SH3PXD2B: variants seen among roughly 807,000 people sequenced by gnomAD.
SH3PXD2B encodes SH3 and PX domain-containing protein 2B.
A neutral mutation model predicts 73.1 loss-of-function variants in SH3PXD2B; 37 were observed. That is an observed-to-expected ratio of 0.51 (90% CI 0.39 to 0.67). SH3PXD2B has a LOEUF of 0.67. SH3PXD2B is among the 30% of genes least tolerant of loss of function. The pLI is 0.00. For synonymous variants in SH3PXD2B, 457 were observed against 480.5 expected, an observed-to-expected ratio of 0.95 and a Z score of 0.64; for missense variants, 1,053 against 1,197.8, an observed-to-expected ratio of 0.88 and a Z score of 1.78.
In SH3PXD2B at chr5:172,336,583, T is replaced by C. The variant is rs1367852427; in HGVS notation, c.*1786A>G. 1 of 985,846 alleles carries C rather than the reference T, an allele frequency of 1.0e-6. No homozygotes were observed. Among genetic ancestry groups the C allele is most frequent in the African/African-American group, 1.7e-5 (1 of 57,224 alleles). 61.1% of individuals were successfully genotyped at this position (985,846 alleles called of 1,614,324 possible). On this transcript the variant is annotated 3_prime_UTR_variant, in exon 13 of 13. Transcript: ENST00000311601. ...CAGAAGAGGGCTGTTCAAGCAAAAC[T>C]TTGGCACTGCAGGTAGACACTGAGC...
Position 172,353,160 on chromosome 5 carries a change from G to T in SH3PXD2B, c.785+728C>A, listed in dbSNP as rs1340698613. On this transcript the variant is annotated intron_variant, in intron 9 of 12. Coordinates refer to ENST00000311601, the MANE Select transcript of SH3PXD2B (RefSeq NM_001017995.3). The surrounding 1 kb of genome is among the most constrained non-coding windows in gnomAD (Gnocchi z 4.3). ...GATTCTTGGTGTGCGTTTGTTGAAT[G>T]AATGAATGAATGCAGTGCTACATGC... 6.6e-6 allele frequency among the ~76,000 whole-genome samples: 1 copy of T among 152,210 alleles called. No homozygotes were observed. The highest frequency in any genetic ancestry group is 2.4e-5 in the African/African-American group (1 of 41,444).
chr5:172,402,778 C>T (rs7705809), intron 3 of SH3PXD2B, among the ~76,000 whole-genome samples: 8,078 of 152,330 alleles, frequency 0.053, 329 homozygotes, highest in South Asian at 0.23. Flanking sequence ...CTCCATGACA[C>T]CCAGCACCGG....
Position 172,421,425 on chromosome 5 carries a change from C to A in SH3PXD2B, c.156+991G>T, listed in dbSNP as rs1359910083. Among the ~76,000 whole-genome samples the A allele has an allele frequency of 6.6e-6, 1 of 152,184 alleles. No homozygotes were observed. The highest frequency in any genetic ancestry group is 1.5e-5 in the Non-Finnish European group (1 of 68,044). ...CATTCATTCATTCACCAAACACTGA[C>A]TGGACATATACTGTGTGTTAGGCCT... is the stretch of plus-strand genomic sequence containing the variant. On this transcript the variant is annotated intron_variant, in intron 2 of 12. Transcript: ENST00000311601. The surrounding 1 kb of genome is among the most constrained non-coding windows in gnomAD (Gnocchi z 4.0).
chr5:172,388,526 A>G (rs1449967311), intron 4 of SH3PXD2B, among the ~76,000 whole-genome samples: 2 of 152,256 alleles, frequency 1.3e-5, no homozygotes, highest in Non-Finnish European at 2.9e-5. Flanking sequence ...TAACATAAGC[A>G]GTTCCCTCCC....
At chr5:172,415,782 G>C (rs1013520437) in intron 2 of SH3PXD2B, among the ~76,000 whole-genome samples, 2 of 152,204 alleles carry the variant, frequency 1.3e-5, no homozygotes, top group African/African-American at 4.8e-5. Context: ...CCCCAGAGTA[G>C]TCCCAAGCCA....
chr5:172,453,562 C>T (rs905575477), intron 1 of SH3PXD2B, among the ~76,000 whole-genome samples: 1 of 152,196 alleles, frequency 6.6e-6, no homozygotes, highest in Non-Finnish European at 1.5e-5. Context: ...AACCTCTGAG[C>T]CTCAGCCTTC....
At chr5:172,363,765 A>G (rs555250064) in intron 6 of SH3PXD2B, among the ~76,000 whole-genome samples, 20 of 152,224 alleles carry the variant, frequency 1.3e-4, no homozygotes, top group African/African-American at 4.8e-4. Context: ...CGAGGCAAGC[A>G]TGGGTCAGAT....
chr5:172,426,240 A>G (rs2113472477), intron 1 of SH3PXD2B, among the ~76,000 whole-genome samples: 1 of 152,280 alleles, frequency 6.6e-6, no homozygotes, highest in East Asian at 1.9e-4. Context: ...CAGAGACCTA[A>G]TTTTTTAACG....
intron 4 of SH3PXD2B, among the ~76,000 whole-genome samples, chr5:172,384,486 C>G (rs1758015385): frequency 6.6e-6 from 1 of 152,196 alleles, no homozygotes; most frequent in East Asian, 1.9e-4. Context: ...TCTTGCAAAA[C>G]TGAAACTCTG....
In SH3PXD2B at chr5:172,339,978, T is replaced by C. The variant is rs1756817013; in HGVS notation, c.1189-62A>G. The C allele has an allele frequency of 6.2e-7, 1 of 1,603,310 alleles. No individual in the cohort carries two copies. Among genetic ancestry groups the C allele is most frequent in the Non-Finnish European group, 8.5e-7 (1 of 1,175,036 alleles). ...TGCCAGGGCCAGCAGATGGAATGGT[T>C]TGGCAGAACCCATGTGCAACTGGAG... On this transcript the variant is annotated intron_variant, in intron 12 of 12. Transcript: ENST00000311601. The surrounding 1 kb of genome is among the most constrained non-coding windows in gnomAD (Gnocchi z 6.1).
downstream of SH3PXD2B, among the ~76,000 whole-genome samples, chr5:172,329,175 G>A (rs1484299425): frequency 4.1e-5 from 6 of 145,940 alleles, no homozygotes; most frequent in East Asian, 2.0e-4. Context: ...CCACCTTCCC[G>A]GTTCAAATGA....
At position 172,335,542 on chromosome 5, in the gene SH3PXD2B, C is replaced by A. The variant is rs1016658451; in HGVS notation, c.*2827G>T. 1.2e-5 allele frequency: 15 copies of A among 1,231,764 alleles called. No individual in the cohort carries two copies. The Admixed American group carries it at 2.1e-4, about 17-fold the overall frequency. 76.3% of individuals were successfully genotyped at this position (1,231,764 alleles called of 1,614,324 possible). On this transcript the variant is annotated 3_prime_UTR_variant, in exon 13 of 13. Transcript: ENST00000311601. ...CACTATAGATCAGGGCTGGTCCTAT[C>A]CGCCTCACAGGCTTGCCGTAAGGAT... is the stretch of plus-strand genomic sequence containing the variant.
At chr5:172,432,784 T>C (rs1299371681) in intron 1 of SH3PXD2B, among the ~76,000 whole-genome samples, 1 of 152,056 alleles carries the variant, frequency 6.6e-6, no homozygotes, top group Admixed American at 6.6e-5. Flanking sequence ...TGGTGGTGCA[T>C]GCCTGTAATT....
intron 3 of SH3PXD2B, among the ~76,000 whole-genome samples, chr5:172,398,231 T>C (rs1187273017): frequency 6.6e-6 from 1 of 152,272 alleles, no homozygotes; most frequent in African/African-American, 2.4e-5. Flanking sequence ...CATGCTTTAA[T>C]ACCTAAAAAT....
In SH3PXD2B at chr5:172,353,887, C is replaced by T. The variant is rs1438308088; in HGVS notation, c.785+1G>A. ...CAACCGTGGGGGGCAGCGGCTGGTA[C>T]CTGATCTTCCACCAGCCTTCCAGGT... On this transcript the variant is annotated splice_donor_variant, in intron 9 of 12. Coordinates refer to ENST00000311601, the MANE Select transcript of SH3PXD2B (RefSeq NM_001017995.3). LOFTEE classifies it high-confidence loss of function. This position sits in a 1 kb window ranked among gnomAD's most constrained non-coding sequence, Gnocchi z 4.3. The T allele has an allele frequency of 1.9e-6, 3 of 1,612,548 alleles. No individual in the cohort carries two copies. The highest frequency in any genetic ancestry group is 2.5e-6 in the Non-Finnish European group (3 of 1,179,106).
intron 12 of SH3PXD2B, among the ~76,000 whole-genome samples, chr5:172,344,616 A>G (rs140908273): frequency 6.7e-6 from 1 of 149,250 alleles, no homozygotes; most frequent in African/African-American, 2.5e-5. Context: ...AAAAAAAAAA[A>G]GGAGGCACTC....
At chr5:172,429,197 C>G (rs566469067) in intron 1 of SH3PXD2B, among the ~76,000 whole-genome samples, 1 of 152,326 alleles carries the variant, frequency 6.6e-6, no homozygotes, top group East Asian at 1.9e-4. Flanking sequence ...GAGAGGAGTG[C>G]TTCTCCTTGG....
At chr5:172,348,695 CTATCTATCTATCTATT>C (rs1352916990) in intron 10 of SH3PXD2B, among the ~76,000 whole-genome samples, 1,498 of 39,830 alleles carry the variant, frequency 0.038, 19 homozygotes, top group South Asian at 0.083. Flanking sequence ...ATCTATCTAT[CTATCTATCTATCTATT>C]TATTTATTTT....
intron 1 of SH3PXD2B, among the ~76,000 whole-genome samples, chr5:172,439,688 G>GCACACACACACACACACACA (rs1166130299): frequency 6.7e-5 from 7 of 104,168 alleles, no homozygotes; most frequent in South Asian, 3.7e-4. Flanking sequence ...GCGCGCACGC[G>GCACACACACACACACACACA]CGCGCACACA....
Sources: gnomAD v4.1 joint callset for allele counts (sites outside exome capture counted in the v4.1 genomes callset) on GRCh38, gnomAD v4.1.1 for gene constraint, Gnocchi (gnomAD v3.1) non-coding constraint, MANE v1.5 for transcripts, NCBI Gene and HGNC (gene_info 2026-07-23, HGNC 2026-07-21) for gene names.